SMG1: variants seen among roughly 807,000 people sequenced by gnomAD.
The protein encoded by SMG1 is serine/threonine-protein kinase SMG1.
In SMG1, 22 loss-of-function variants were observed where a neutral mutation model predicts 419.9. That is an observed-to-expected ratio of 0.05 (90% CI 0.04 to 0.07). The LOEUF is 0.07. Among genes scored for constraint, SMG1 ranks in the 10% least tolerant of loss-of-function variants. SMG1 has a pLI of 1.00. For synonymous variants in SMG1, 1,538 were observed against 1,553.5 expected (o/e 0.99, Z 0.23); for missense variants, 3,185 against 4,342.0 (o/e 0.73, Z 7.49).
chr16:18,829,463 C>T lies in SMG1; in HGVS notation c.9426G>A (p.Val3142=). The part of the protein sequence containing the change: ...VSVDDLCKKA[V]EHNIQIGKFS... ...ACTTCCCTATCTGGATGTTATGTTC[C>T]ACCGCTTTCTTACAGAGATCATCAA... The change falls in exon 54 of 63, where the codon GTG becomes GTA. Residue 3142 remains valine, a synonymous_variant. Coordinates refer to ENST00000446231, the MANE Select transcript of SMG1 (RefSeq NM_015092.5). 2 of 1,613,960 alleles carry T rather than the reference C, an allele frequency of 1.2e-6. No homozygotes were observed. The highest frequency in any genetic ancestry group is 1.7e-6 in the Non-Finnish European group (2 of 1,179,892).
At chr16:18,893,371 AC>A (rs1289918767) in intron 3 of SMG1, among the ~76,000 whole-genome samples, 1 of 152,156 alleles carries the variant, frequency 6.6e-6, no homozygotes, top group Non-Finnish European at 1.5e-5. Flanking sequence ...GCCTGTAATT[AC>A]CCAGCACTTT....
rs151280246 is a variant in SMG1, at chr16:18,879,798, G to A, written c.1294-79C>T. ...AGCAAGAAAATACTTTTTATTTAAT[G>A]CAATTTCAACTGAAAATTAACTGCT... On this transcript the variant is annotated intron_variant, in intron 10 of 62. Coordinates refer to ENST00000446231, the MANE Select transcript of SMG1 (RefSeq NM_015092.5). 2.3e-3 allele frequency: 1,893 copies of A among 805,972 alleles called. 34 individuals carry two copies. In the African/African-American group the frequency reaches 0.029, roughly 12 times the overall value. The allele number at this position is 805,972 out of a possible 1,614,324, so 49.9% of individuals were successfully genotyped here.
At chr16:18,905,265 CA>C (rs1297059291) in intron 1 of SMG1, among the ~76,000 whole-genome samples, 1 of 151,894 alleles carries the variant, frequency 6.6e-6, no homozygotes, top group African/African-American at 2.4e-5. Context: ...TGACTCAAAA[CA>C]AAAAACAAAA....
chr16:18,916,979 T>C (rs1370722151), intron 1 of SMG1, among the ~76,000 whole-genome samples: 1 of 152,020 alleles, frequency 6.6e-6, no homozygotes, highest in African/African-American at 2.4e-5. Context: ...CACTCCATTT[T>C]ATATGACACT....
chr16:18,871,061 C>T (rs543003995), intron 16 of SMG1, among the ~76,000 whole-genome samples, 173 bp from the exon 17 acceptor site: 15 of 152,326 alleles, frequency 9.8e-5, no homozygotes, highest in Non-Finnish European at 1.5e-4. Context: ...TAAAATGATA[C>T]ATTCAACAAA....
intron 38 of SMG1, 129 bp downstream of exon 38, chr16:18,847,324 C>T: frequency 2.1e-6 from 2 of 944,838 alleles, no homozygotes; most frequent in Non-Finnish European, 1.6e-6. Flanking sequence ...GATGGTTGTA[C>T]AATATGGTGA....
chr16:18,913,811 C>T (rs533507804), intron 1 of SMG1, among the ~76,000 whole-genome samples: 27 of 151,936 alleles, frequency 1.8e-4, no homozygotes, highest in African/African-American at 5.1e-4. Context: ...CCTTAATAAA[C>T]AAAGAATGAG....
At chr16:18,900,981 AAT>A (rs1363602801) in intron 1 of SMG1, among the ~76,000 whole-genome samples, 2 of 152,186 alleles carry the variant, frequency 1.3e-5, no homozygotes, top group African/African-American at 2.4e-5. Context: ...CACTGCTCTA[AAT>A]ATGAGTCTAT....
chr16:18,821,206 A>C (rs1311803853), intron 55 of SMG1, among the ~76,000 whole-genome samples: 2 of 136,948 alleles, frequency 1.5e-5, no homozygotes, highest in African/African-American at 5.7e-5. Context: ...AAAACCTGAG[A>C]TATTTAGTAT....
rs559516459 is a variant in SMG1 at position 18,849,892 on chromosome 16, A to C, written c.5461+57T>G. 9.9e-6 allele frequency: 15 copies of C among 1,509,322 alleles called. No individual in the cohort carries two copies. The East Asian group carries it at 2.1e-4, about 21-fold the overall frequency. The allele number at this position is 1,509,322 out of a possible 1,614,324, so 93.5% of individuals were successfully genotyped here. ...AAACATAAGGAAACCACTTTTTGAA[A>C]TCTTATATATCCTAGTGAGAAACTA... On this transcript the variant is annotated intron_variant, in intron 35 of 62. Transcript: ENST00000446231.
intron 30 of SMG1, 85 bp downstream of exon 30, chr16:18,854,571 C>T (rs2034793012): frequency 8.6e-6 from 11 of 1,283,324 alleles, no homozygotes; most frequent in Non-Finnish European, 1.2e-5. Flanking sequence ...TTTGCTATTA[C>T]TACCTTATAC....
intron 18 of SMG1, among the ~76,000 whole-genome samples, chr16:18,870,332 A>C (rs553784840): frequency 6.6e-6 from 1 of 152,370 alleles, no homozygotes; most frequent in South Asian, 2.1e-4. Flanking sequence ...ATTACTGTTT[A>C]GTTTTTCAAA....
chr16:18,923,469 T>G (rs2038274371), intron 1 of SMG1, among the ~76,000 whole-genome samples: 1 of 151,944 alleles, frequency 6.6e-6, no homozygotes, highest in Non-Finnish European at 1.5e-5. Context: ...CATGGTGGAA[T>G]CCCGTCTCTA....
In SMG1 at chr16:18,859,634, T is replaced by C. The variant is rs375411122; in HGVS notation, c.3875A>G (p.Gln1292Arg). The change falls in exon 27 of 63, where the codon CAA (glutamine) becomes CGA (arginine). Residue 1292 changes from glutamine to arginine, a missense_variant. Gln to Arg is a conservative substitution (Grantham distance 43). Around this residue, in one of 27 missense-constraint regions of SMG1, gnomAD observed 120 missense variants for 193.3 expected, o/e 0.62. Transcript: ENST00000446231. ...PRELQKSIEV[Q>R]LLRSSVCLAT... The stretch of plus-strand genomic sequence containing the variant: ...CAAACAAACAGAACTTCTTAACAAT[T>C]GAACTTCAATGGATTTCTGAAGTTC... 1.2e-6 allele frequency: 2 copies of C among 1,613,130 alleles called. No individual in the cohort carries two copies. The highest frequency in any genetic ancestry group is 2.7e-5 in the African/African-American group (2 of 74,926).
In SMG1 at chr16:18,872,616, C is replaced by T. The variant is rs766227604; in HGVS notation, c.1899G>A (p.Ala633=). The T allele has an allele frequency of 1.6e-5, 23 of 1,436,924 alleles. No individual in the cohort carries two copies. The highest frequency in any genetic ancestry group is 6.5e-5 in the South Asian group (5 of 76,342). The allele number at this position is 1,436,924 out of a possible 1,614,324, so 89.0% of individuals were successfully genotyped here. A position where few individuals can be genotyped will look rare whatever the true frequency, so the allele number is the denominator to read the frequency against. Residue 633 remains alanine, a synonymous_variant, in exon 14 of 63, where the codon GCG becomes GCA. Transcript: ENST00000446231. The part of the protein sequence containing the change: ...NAKNSLIGMW[A]LSPTVFALLS... Reference sequence around the variant, plus strand: ...GAAGTGCAAAGACAGTTGGAGATAGCGCCCACATCTGATCATGTACAAAAC... The same window carrying T: ...GAAGTGCAAAGACAGTTGGAGATAGTGCCCACATCTGATCATGTACAAAAC...
At chr16:18,923,107 G>A (rs994245846) in intron 1 of SMG1, among the ~76,000 whole-genome samples, 2 of 151,982 alleles carry the variant, frequency 1.3e-5, no homozygotes, top group African/African-American at 4.8e-5. Context: ...GAGTTGACTG[G>A]GAGCACAGTG....
In SMG1 at chr16:18,926,062, G is replaced by A; in HGVS notation, c.-21C>T. ...CTCATTACCTTCCCCGACACGACAT[G>A]GCCAAGCGCCGCCGCCCAAAGAAGC... On this transcript the variant is annotated 5_prime_UTR_variant, in exon 1 of 63. Coordinates refer to ENST00000446231, the MANE Select transcript of SMG1 (RefSeq NM_015092.5). The A allele has an allele frequency of 6.4e-7, 1 of 1,552,390 alleles. No homozygotes were observed. The highest frequency in any genetic ancestry group is 2.5e-5 in the East Asian group (1 of 40,106).
intron 22 of SMG1, among the ~76,000 whole-genome samples, chr16:18,867,565 A>ATAAATAAT (rs1451007229): frequency 1.4e-5 from 2 of 145,180 alleles, no homozygotes; most frequent in African/African-American, 5.0e-5. Context: ...AAATAAATAA[A>ATAAATAAT]TAATTTATCC....
intron 56 of SMG1, among the ~76,000 whole-genome samples, chr16:18,818,179 T>C (rs2032188136): frequency 1.3e-5 from 2 of 151,942 alleles, no homozygotes; most frequent in South Asian, 4.1e-4. Context: ...GGTCAGGAGT[T>C]CGAAACTAAC....
Sources: gnomAD v4.1 joint callset for allele counts (sites outside exome capture counted in the v4.1 genomes callset) on GRCh38, gnomAD v4.1.1 for gene constraint, gnomAD v4.1.1 regional missense constraint, MANE v1.5 for transcripts, NCBI Gene and HGNC (gene_info 2026-07-23, HGNC 2026-07-21) for gene names.